Variants in MRPS30 observed in about 807,000 individuals in gnomAD.
MRPS30 encodes the protein mitochondrial ribosomal protein S30, also known as large ribosomal subunit protein mL65.
Under a neutral mutation model 43.8 loss-of-function variants are expected in MRPS30, and 42 were observed. The observed-to-expected ratio is 0.96, with a 90% confidence interval of 0.75 to 1.24. The LOEUF is 1.24. MRPS30 is among the 50% of genes most tolerant of loss of function. MRPS30 has a pLI of 0.00. For missense variants in MRPS30, 638 were observed against 570.0 expected, an observed-to-expected ratio of 1.12 and a Z score of -1.22; for synonymous variants, 273 against 228.2, an observed-to-expected ratio of 1.20 and a Z score of -1.77.
intron 4 of MRPS30, 144 bp downstream of exon 4, chr5:44,813,426 T>G: frequency 3.0e-6 from 2 of 659,680 alleles, no homozygotes; most frequent in Non-Finnish European, 4.7e-6. Flanking sequence ...TACAGTTGTT[T>G]TAAAATCCTC....
At position 44,815,092 on chromosome 5, in the gene MRPS30, A is replaced by G. The variant is rs376396555; in HGVS notation, c.1210A>G (p.Thr404Ala). ...TACACAAAGTAAGCCTCTTTATGAAACAATTGAGGATAATGATGTGAAAGG... is the reference window on the plus strand; with the variant it reads ...TACACAAAGTAAGCCTCTTTATGAAGCAATTGAGGATAATGATGTGAAAGG... ...WGTQSKPLYE[T>A]IEDNDVKGFN... Residue 404 changes from threonine (T) to alanine (A), a missense_variant, in exon 5 of 5, where the codon ACA (threonine) becomes GCA (alanine). Thr to Ala is a moderately conservative substitution (Grantham distance 58). Coordinates refer to ENST00000507110, the MANE Select transcript of MRPS30 (RefSeq NM_016640.4). 2 of 1,612,666 alleles carry G rather than the reference A, an allele frequency of 1.2e-6. No individual in the cohort carries two copies. Among genetic ancestry groups the G allele is most frequent in the African/African-American group, 2.7e-5 (2 of 74,926 alleles).
chr5:44,815,295 T>C lies in MRPS30; in HGVS notation c.*93T>C. 8.7e-7 allele frequency: 1 copy of C among 1,147,508 alleles called. No individual in the cohort carries two copies. The highest frequency in any genetic ancestry group is 2.4e-5 in the East Asian group (1 of 41,390). 71.1% of individuals were successfully genotyped at this position (1,147,508 alleles called of 1,614,324 possible). A position where few individuals can be genotyped will look rare whatever the true frequency, so the allele number is the denominator to read the frequency against. On this transcript the variant is annotated 3_prime_UTR_variant, in exon 5 of 5. Transcript: ENST00000507110. ...TTGTAACTGTCAACTATTAAATACA[T>C]TGATTTTTGAGACAAATATTTCTTA... is the stretch of plus-strand genomic sequence containing the variant.
In MRPS30 at chr5:44,815,079, G is replaced by A. The variant is rs145225329; in HGVS notation, c.1197G>A (p.Lys399=). Residue 399 remains lysine, a synonymous_variant, in exon 5 of 5, where the codon AAG becomes AAA. Coordinates refer to ENST00000507110, the MANE Select transcript of MRPS30 (RefSeq NM_016640.4). ...ATATATGTTGGGGTACACAAAGTAAGCCTCTTTATGAAACAATTGAGGATA... is the reference window on the plus strand; with the variant it reads ...ATATATGTTGGGGTACACAAAGTAAACCTCTTTATGAAACAATTGAGGATA... The part of the protein sequence containing the change: ...RKNICWGTQS[K]PLYETIEDND... 2 of 1,613,104 alleles carry A rather than the reference G, an allele frequency of 1.2e-6. No homozygotes were observed. The highest frequency in any genetic ancestry group is 2.7e-5 in the African/African-American group (2 of 74,920).
intron 2 of MRPS30, 130 bp from the exon 3 acceptor site, chr5:44,811,785 C>T (rs781137281): frequency 4.7e-5 from 27 of 574,336 alleles, no homozygotes; most frequent in Non-Finnish European, 7.7e-5. Flanking sequence ...TTTGGCCCAT[C>T]ATTCGATGAT....
rs764287023 is a variant in MRPS30, at chr5:44,809,539, C to G, written c.577C>G (p.Pro193Ala). ...TLVGLLSPHN[P>A]ALAAAALDYR... is the part of the protein sequence containing the mutation. ...CGTGGGCCTCCTCAGCCCACACAAC[C>G]CGGCCCTGGCCGCTGCCGCCCTCGG... The change falls in exon 1 of 5, where the codon CCG becomes GCG. Residue 193 changes from proline to alanine, a missense_variant. Transcript: ENST00000507110. 6 of 1,599,896 alleles carry G rather than the reference C, an allele frequency of 3.8e-6. No individual in the cohort carries two copies. The highest frequency in any genetic ancestry group is 1.3e-5 in the African/African-American group (1 of 74,520).
rs1742833169 is a variant in MRPS30 at position 44,811,111 on chromosome 5, A to T, written c.704A>T (p.Asp235Val). The T allele has an allele frequency of 3.1e-6, 5 of 1,614,010 alleles. No homozygotes were observed. The highest frequency in any genetic ancestry group is 3.4e-6 in the Non-Finnish European group (4 of 1,179,982). The change falls in exon 2 of 5, where the codon GAT (aspartate) becomes GTT (valine). Residue 235 changes from aspartate (D) to valine (V), a missense_variant. Transcript: ENST00000507110. The part of the protein sequence containing the change: ...RIDDLRYQID[D>V]KPNNQIRISK... ...GATGACTTGCGATACCAGATAGATG[A>T]TAAACCAAACAACCAGATTCGAATA...
At position 44,813,216 on chromosome 5, in the gene MRPS30, G is replaced by GT; in HGVS notation, c.966dup (p.Val323CysfsTer3). 6.2e-7 allele frequency: 1 copy of GT among 1,612,728 alleles called. No individual in the cohort carries two copies. The highest frequency in any genetic ancestry group is 8.5e-7 in the Non-Finnish European group (1 of 1,179,442). ...ACAAAACTGTGCTGATCAGATAGAA[G>GT]TTGTTTTTAGAGCTAATGCTATTGC... On this transcript the variant is annotated frameshift_variant, in exon 4 of 5. Transcript: ENST00000507110. LOFTEE classifies it high-confidence loss of function.
intron 4 of MRPS30, among the ~76,000 whole-genome samples, chr5:44,814,357 A>G (rs2111859256): frequency 6.6e-6 from 1 of 152,356 alleles, no homozygotes; most frequent in South Asian, 2.1e-4. Flanking sequence ...TTAGATTTAT[A>G]TAATAGAATT....
intron 3 of MRPS30, 45 bp downstream of exon 3, chr5:44,812,065 T>G: frequency 7.3e-7 from 1 of 1,377,418 alleles, no homozygotes; most frequent in Non-Finnish European, 1.0e-6. Context: ...GTGTTCCAAG[T>G]GTCGTATGCA....
chr5:44,810,294 A>AG (rs1742816990), intron 1 of MRPS30, among the ~76,000 whole-genome samples: 1 of 152,238 alleles, frequency 6.6e-6, no homozygotes, highest in African/African-American at 2.4e-5. Flanking sequence ...CTAAGAGATT[A>AG]GGGGGTCAAA....
chr5:44,810,537 C>G (rs1742822449), intron 1 of MRPS30, among the ~76,000 whole-genome samples: 1 of 152,104 alleles, frequency 6.6e-6, no homozygotes. Flanking sequence ...TTTCCCTTCC[C>G]CAGTTGAGAA....
chr5:44,809,307 G>T lies in MRPS30; in HGVS notation c.345G>T (p.Leu115=). The change falls in exon 1 of 5, where the codon CTG becomes CTT. Residue 115 remains leucine, a synonymous_variant. Transcript: ENST00000507110. ...WYQYFTKTVF[L]SGLPPPPAEP... ...AGTACTTCACCAAGACCGTGTTCCTGTCGGGTCTGCCGCCGCCCCCAGCGG... is the reference window on the plus strand; with the variant it reads ...AGTACTTCACCAAGACCGTGTTCCTTTCGGGTCTGCCGCCGCCCCCAGCGG... The T allele has an allele frequency of 6.2e-7, 1 of 1,612,848 alleles. No homozygotes were observed. Among genetic ancestry groups the T allele is most frequent in the African/African-American group, 1.3e-5 (1 of 75,036 alleles).
At position 44,815,062 on chromosome 5, in the gene MRPS30, T is replaced by TG. The variant is rs1167055481; in HGVS notation, c.1184dup (p.Thr396TyrfsTer4). The stretch of plus-strand genomic sequence containing the variant: ...AAATAACCCTCGTAAAAATATATGT[T>TG]GGGGTACACAAAGTAAGCCTCTTTA... On this transcript the variant is annotated frameshift_variant, in exon 5 of 5. Coordinates refer to ENST00000507110, the MANE Select transcript of MRPS30 (RefSeq NM_016640.4). LOFTEE classifies it high-confidence loss of function. 1.2e-6 allele frequency: 2 copies of TG among 1,613,794 alleles called. No homozygotes were observed. The highest frequency in any genetic ancestry group is 1.7e-6 in the Non-Finnish European group (2 of 1,179,770).
chr5:44,809,793 G>A, intron 1 of MRPS30: 2 of 525,034 alleles, frequency 3.8e-6, no homozygotes, highest in South Asian at 5.9e-5. Flanking sequence ...AACTCTGAAA[G>A]CCTGAGCTCT....
Position 44,808,977 on chromosome 5 carries a change from G to GT in MRPS30, c.16dup (p.Cys6LeufsTer18), listed in dbSNP as rs748500510. ...CGCGGGCAAAGATGGCGGCGGCCAG[G>GT]TGTTGGAGGCCTTTGCTACGCGGTC... On this transcript the variant is annotated frameshift_variant, in exon 1 of 5. Transcript: ENST00000507110. LOFTEE classifies it high-confidence loss of function. 1 of 1,601,552 alleles carries GT rather than the reference G, an allele frequency of 6.2e-7. No individual in the cohort carries two copies. The highest frequency in any genetic ancestry group is 1.1e-5 in the South Asian group (1 of 89,336).
chr5:44,814,516 C>T (rs909542073), intron 4 of MRPS30, among the ~76,000 whole-genome samples: 2 of 152,130 alleles, frequency 1.3e-5, no homozygotes, highest in African/African-American at 4.8e-5. Flanking sequence ...CAGTATTACT[C>T]ATTTGCTATC....
chr5:44,814,250 ATG>A (rs1742886026), intron 4 of MRPS30, among the ~76,000 whole-genome samples: 1 of 152,340 alleles, frequency 6.6e-6, no homozygotes, highest in East Asian at 1.9e-4. Flanking sequence ...GATTAACACT[ATG>A]TGAATATCCA....
At chr5:44,813,038 A>T (rs541096274) in intron 3 of MRPS30, 68 bp from the exon 4 acceptor site, 10 of 1,496,612 alleles carry the variant, frequency 6.7e-6, no homozygotes, top group African/African-American at 1.4e-5. Context: ...AGGCTCAAAT[A>T]CTAAAACATG....
In MRPS30 at chr5:44,809,464, G is replaced by A. The variant is rs766110651; in HGVS notation, c.502G>A (p.Glu168Lys). The change falls in exon 1 of 5, where the codon GAG (glutamate) becomes AAG (lysine). Residue 168 changes from glutamate to lysine, a missense_variant. By Grantham distance (56) the Glu-to-Lys change is moderately conservative. Transcript: ENST00000507110. ...RRRRRVHRYEESEVISLPFLD... is the reference protein window; with the variant it reads ...RRRRRVHRYEKSEVISLPFLD... ...CAGGCGGCGCGTGCACCGTTACGAG[G>A]AGAGCGAGGTCATATCTTTGCCCTT... 4 of 1,613,822 alleles carry A rather than the reference G, an allele frequency of 2.5e-6. No individual in the cohort carries two copies. The highest frequency in any genetic ancestry group is 3.4e-6 in the Non-Finnish European group (4 of 1,180,012).
Sources: gnomAD v4.1 joint callset for allele counts (sites outside exome capture counted in the v4.1 genomes callset) on GRCh38, gnomAD v4.1.1 for gene constraint, MANE v1.5 for transcripts, NCBI Gene and HGNC (gene_info 2026-07-23, HGNC 2026-07-21) for gene names.